Variants in NAALADL2 observed in about 807,000 individuals in gnomAD.
NAALADL2 encodes the protein N-acetylated alpha-linked acidic dipeptidase like 2.
NAALADL2 carries 76 observed loss-of-function variants against 87.2 expected under a neutral mutation model. The ratio of observed to expected loss-of-function variants is 0.87; its 90% CI spans 0.72 to 1.05. The LOEUF is 1.05. Ranked by LOEUF, NAALADL2 falls within the 50% of genes least tolerant of loss-of-function variation. The pLI, the probability that NAALADL2 is intolerant of heterozygous loss-of-function variation, is 0.00. For missense variants in NAALADL2, 1,089 were observed against 945.8 expected, an observed-to-expected ratio of 1.15 and a Z score of -1.99; for synonymous variants, 354 against 331.0, an observed-to-expected ratio of 1.07 and a Z score of -0.75.
At chr3:174,970,266 A>T (rs2108602375) in intron 1 of NAALADL2, among the ~76,000 whole-genome samples, 1 of 152,338 alleles carries the variant, frequency 6.6e-6, no homozygotes. Context: ...GGAAATAATT[A>T]TTTCAAATAA....
At chr3:174,741,702 A>C (rs1733785611) in intron 3 of NAALADL2, among the ~76,000 whole-genome samples, 1 of 151,634 alleles carries the variant, frequency 6.6e-6, no homozygotes, top group Admixed American at 6.6e-5. Context: ...TATATAGATA[A>C]ATTTTTAGCC....
chr3:175,076,252 CATAAG>C (rs373223764), intron 1 of NAALADL2, among the ~76,000 whole-genome samples: 6 of 150,740 alleles, frequency 4.0e-5, no homozygotes, highest in African/African-American at 1.5e-4. Context: ...TGAAAAATGT[CATAAG>C]AAAAGATTAG....
intron 2 of NAALADL2, among the ~76,000 whole-genome samples, chr3:174,637,978 TG>T (rs1444573152): frequency 1.3e-5 from 2 of 152,160 alleles, no homozygotes; most frequent in Non-Finnish European, 2.9e-5. Context: ...ATATTCAAAG[TG>T]TTCATATTTA....
intron 13 of NAALADL2, among the ~76,000 whole-genome samples, chr3:175,795,256 A>C (rs1456638541): frequency 6.6e-6 from 1 of 152,212 alleles, no homozygotes; most frequent in African/African-American, 2.4e-5. Context: ...CAGATTTTTA[A>C]ACTTTTAATA....
At chr3:175,588,818 G>A (rs921043428) in intron 10 of NAALADL2, among the ~76,000 whole-genome samples, 13 of 152,116 alleles carry the variant, frequency 8.5e-5, no homozygotes, top group African/African-American at 2.7e-4. Flanking sequence ...GATTATAGGC[G>A]TGAGCCACCG....
At chr3:175,443,370 T>C (rs1001526511) in intron 5 of NAALADL2, among the ~76,000 whole-genome samples, 3 of 152,208 alleles carry the variant, frequency 2.0e-5, no homozygotes, top group African/African-American at 7.2e-5. Flanking sequence ...AAAAATGGAA[T>C]GCAGTTATTG....
At chr3:175,202,395 G>A (rs1353759843) in intron 2 of NAALADL2, among the ~76,000 whole-genome samples, 1 of 152,128 alleles carries the variant, frequency 6.6e-6, no homozygotes, top group Non-Finnish European at 1.5e-5. Flanking sequence ...ATGGTGAGGT[G>A]GGTATGCTCT....
At chr3:175,630,179 C>A (rs1023064681) in intron 11 of NAALADL2, among the ~76,000 whole-genome samples, 2 of 151,500 alleles carry the variant, frequency 1.3e-5, no homozygotes, top group African/African-American at 4.8e-5. Flanking sequence ...AACTGAGAAA[C>A]CATAAAATGA....
At chr3:174,547,458 A>G (rs894804171) in intron 1 of NAALADL2, among the ~76,000 whole-genome samples, 1 of 152,194 alleles carries the variant, frequency 6.6e-6, no homozygotes, top group Non-Finnish European at 1.5e-5. Context: ...GGCAATAGCA[A>G]GAAGTTTCAA....
At chr3:175,087,289 G>A (rs1401200286) in intron 1 of NAALADL2, among the ~76,000 whole-genome samples, 1 of 152,192 alleles carries the variant, frequency 6.6e-6, no homozygotes, top group African/African-American at 2.4e-5. Flanking sequence ...GAGGTGGGGG[G>A]CAGCCCCCGC....
At chr3:174,752,229 G>T (rs1734907723) in intron 3 of NAALADL2, among the ~76,000 whole-genome samples, 1 of 152,090 alleles carries the variant, frequency 6.6e-6, no homozygotes, top group Non-Finnish European at 1.5e-5. Flanking sequence ...ACCTGTCTCG[G>T]CCTCCCAAAG....
intron 1 of NAALADL2, among the ~76,000 whole-genome samples, chr3:174,511,536 A>G (rs767460887): frequency 2.0e-5 from 3 of 150,136 alleles, no homozygotes; most frequent in Non-Finnish European, 4.5e-5. Context: ...CTTTTAATCT[A>G]TTTTTTTTCA....
chr3:174,441,788 C>T (rs560527087), intron 1 of NAALADL2, among the ~76,000 whole-genome samples: 149 of 151,378 alleles, frequency 9.8e-4, no homozygotes, highest in African/African-American at 3.5e-3. Flanking sequence ...TCTTTTCCCC[C>T]TCACTTTTAG....
intron 1 of NAALADL2, among the ~76,000 whole-genome samples, chr3:174,897,077 T>C (rs1731633362): frequency 6.6e-6 from 1 of 152,082 alleles, no homozygotes. Context: ...CAAGAAAACA[T>C]TGTGGAACTC....
intron 3 of NAALADL2, among the ~76,000 whole-genome samples, chr3:174,780,897 G>GT (rs1188632986): frequency 1.3e-5 from 2 of 152,162 alleles, no homozygotes; most frequent in African/African-American, 4.8e-5. Flanking sequence ...AATTTCGTAT[G>GT]TTTTTTCAGT....
chr3:174,530,150 G>A (rs1044536344), intron 1 of NAALADL2, among the ~76,000 whole-genome samples: 19 of 152,090 alleles, frequency 1.2e-4, no homozygotes, highest in Non-Finnish European at 2.6e-4. Flanking sequence ...TCAGTGCTTT[G>A]CTGCCTAGAA....
chr3:175,743,538 G>A (rs2150103670), intron 12 of NAALADL2, among the ~76,000 whole-genome samples: 1 of 152,196 alleles, frequency 6.6e-6, no homozygotes, highest in East Asian at 1.9e-4. Flanking sequence ...AAGGATGTAT[G>A]TAATGAATGC....
chr3:175,004,800 CAT>C (rs768724587), intron 1 of NAALADL2, among the ~76,000 whole-genome samples: 17 of 151,538 alleles, frequency 1.1e-4, no homozygotes, highest in Non-Finnish European at 2.2e-4. Context: ...ATATATGAAA[CAT>C]AAATGCAGTT....
intron 11 of NAALADL2, among the ~76,000 whole-genome samples, chr3:175,698,268 T>C (rs1479648302): frequency 4.3e-5 from 4 of 93,200 alleles, no homozygotes; most frequent in Non-Finnish European, 7.7e-5. Flanking sequence ...TATGTATACA[T>C]ATATATGTGT....
Sources: gnomAD v4.1 joint callset for allele counts (sites outside exome capture counted in the v4.1 genomes callset) on GRCh38, gnomAD v4.1.1 for gene constraint, MANE v1.5 for transcripts, NCBI Gene and HGNC (gene_info 2026-07-23, HGNC 2026-07-21) for gene names.